The following STAG1 variants were observed in gnomAD, a reference collection of about 807,000 sequenced individuals.
The protein encoded by STAG1 is cohesin subunit SA-1.
A neutral mutation model predicts 170.9 loss-of-function variants in STAG1; 26 were observed. The ratio of observed to expected loss-of-function variants is 0.15; its 90% CI spans 0.11 to 0.21. STAG1 has a LOEUF of 0.21. Ranked by LOEUF, STAG1 falls within the 10% of genes least tolerant of loss-of-function variation. The probability of loss-of-function intolerance (pLI) is 1.00; values close to 1 mark genes in which losing one functional copy is unlikely to be tolerated. For missense variants in STAG1, 964 were observed against 1,509.5 expected, an observed-to-expected ratio of 0.64 and a Z score of 5.99; for synonymous variants, 514 against 497.7, an observed-to-expected ratio of 1.03 and a Z score of -0.44.
chr3:136,643,387 C>G (rs1283885086), intron 1 of STAG1, among the ~76,000 whole-genome samples: 4 of 152,078 alleles, frequency 2.6e-5, no homozygotes, highest in Non-Finnish European at 1.5e-5. Context: ...ATGAGAAGTT[C>G]TATGAGGTGA....
intron 6 of STAG1, among the ~76,000 whole-genome samples, chr3:136,523,221 T>A (rs1245126917): frequency 6.6e-6 from 1 of 152,068 alleles, no homozygotes; most frequent in Non-Finnish European, 1.5e-5. Context: ...CCCATCCTCT[T>A]CAGTACCTGT....
chr3:136,419,671 C>T (rs946707513), intron 20 of STAG1, among the ~76,000 whole-genome samples: 1 of 149,850 alleles, frequency 6.7e-6, no homozygotes, highest in East Asian at 2.0e-4. Flanking sequence ...CCATCTTGGC[C>T]AGGCTGGTCT....
chr3:136,632,441 T>G (rs1002027818), intron 1 of STAG1, among the ~76,000 whole-genome samples: 3 of 152,156 alleles, frequency 2.0e-5, no homozygotes, highest in African/African-American at 7.2e-5. Context: ...GATCAAACTC[T>G]TGGTGCAACT....
At chr3:136,425,594 G>GA (rs150289268) in intron 16 of STAG1, among the ~76,000 whole-genome samples, 1 of 151,464 alleles carries the variant, frequency 6.6e-6, no homozygotes, top group Non-Finnish European at 1.5e-5. Context: ...ATAAGTTTGG[G>GA]AAAAAAACTC....
chr3:136,507,052 A>G (rs914832628), intron 7 of STAG1, among the ~76,000 whole-genome samples: 4 of 152,206 alleles, frequency 2.6e-5, no homozygotes, highest in Non-Finnish European at 5.9e-5. Context: ...ACAACTCACA[A>G]ATCTACGAAG....
chr3:136,466,458 G>C (rs1403051716), intron 12 of STAG1, among the ~76,000 whole-genome samples: 1 of 152,134 alleles, frequency 6.6e-6, no homozygotes, highest in Non-Finnish European at 1.5e-5. Flanking sequence ...AGAGAAAAAA[G>C]AGTAAAAAGA....
At chr3:136,574,133 C>T (rs749351420) in intron 4 of STAG1, among the ~76,000 whole-genome samples, 1 of 151,856 alleles carries the variant, frequency 6.6e-6, no homozygotes, top group Non-Finnish European at 1.5e-5. Flanking sequence ...CCCAGCTACT[C>T]GGGAGGCTGA....
At chr3:136,562,223 T>G (rs868784586) in intron 5 of STAG1, among the ~76,000 whole-genome samples, 2 of 152,088 alleles carry the variant, frequency 1.3e-5, no homozygotes, top group African/African-American at 4.8e-5. Context: ...ACCTGTCACA[T>G]TTCTTCAGTC....
rs375146173 is a variant in STAG1, at chr3:136,630,387, G to C, written c.29+483C>G. On this transcript the variant is annotated intron_variant, in intron 2 of 33. Coordinates refer to ENST00000383202, the MANE Select transcript of STAG1 (RefSeq NM_005862.3). ...AAAGAGCTGGAAGTGAGCAGGGAGG[G>C]GGGGTAGAGAAGGGGTAGAGAAAGA... 1.6e-4 allele frequency among the ~76,000 whole-genome samples: 24 copies of C among 152,024 alleles called. No individual in the cohort carries two copies. In the East Asian group the frequency reaches 4.3e-3, roughly 27 times the overall value.
chr3:136,463,871 A>G (rs1034292204), intron 13 of STAG1, among the ~76,000 whole-genome samples: 1 of 144,820 alleles, frequency 6.9e-6, no homozygotes, highest in South Asian at 2.1e-4. Flanking sequence ...TTATATATAC[A>G]TACATACATA....
At chr3:136,526,539 C>G (rs1303788436) in intron 6 of STAG1, among the ~76,000 whole-genome samples, 1 of 152,164 alleles carries the variant, frequency 6.6e-6, no homozygotes, top group Middle Eastern at 3.2e-3. Flanking sequence ...TGGGTCTTGA[C>G]TCTTTATCCA....
At chr3:136,390,497 T>C (rs1048475224) in intron 22 of STAG1, among the ~76,000 whole-genome samples, 2 of 152,158 alleles carry the variant, frequency 1.3e-5, no homozygotes, top group Non-Finnish European at 2.9e-5. Context: ...GACATAATAT[T>C]AACAGGAACA....
intron 22 of STAG1, among the ~76,000 whole-genome samples, chr3:136,391,368 CT>C (rs5852844): frequency 0.36 from 45,242 of 124,220 alleles, 4,687 homozygotes; most frequent in East Asian, 0.63. Context: ...CTTTAGCCCT[CT>C]TTTTTTTTTT....
At chr3:136,430,967 G>C (rs575640344) in intron 16 of STAG1, among the ~76,000 whole-genome samples, 34 of 151,828 alleles carry the variant, frequency 2.2e-4, no homozygotes, top group African/African-American at 7.5e-4. Flanking sequence ...GCAGTGGGGT[G>C]ATCTCAGCTC....
chr3:136,585,248 C>T (rs753043711), intron 4 of STAG1, among the ~76,000 whole-genome samples: 5 of 152,126 alleles, frequency 3.3e-5, no homozygotes, highest in Non-Finnish European at 7.4e-5. Context: ...TTCAGACCAG[C>T]CTGGCCAACA....
intron 5 of STAG1, among the ~76,000 whole-genome samples, chr3:136,565,290 G>C (rs890931199): frequency 6.6e-6 from 1 of 152,078 alleles, no homozygotes; most frequent in Non-Finnish European, 1.5e-5. Flanking sequence ...TTAAATACTT[G>C]ATAAAGGTTT....
chr3:136,693,811 G>T (rs762891158), intron 1 of STAG1, among the ~76,000 whole-genome samples: 1 of 151,522 alleles, frequency 6.6e-6, no homozygotes, highest in Non-Finnish European at 1.5e-5. Context: ...TCAAGCCATT[G>T]ATCCTCCCAC....
chr3:136,487,775 C>A (rs1024334837), intron 9 of STAG1, among the ~76,000 whole-genome samples: 2 of 152,162 alleles, frequency 1.3e-5, no homozygotes, highest in Non-Finnish European at 2.9e-5. Flanking sequence ...TGTGGGTATA[C>A]TACGTAAAGT....
intron 16 of STAG1, among the ~76,000 whole-genome samples, chr3:136,431,770 G>A (rs1230776987): frequency 6.6e-6 from 1 of 152,116 alleles, no homozygotes; most frequent in Admixed American, 6.5e-5. Flanking sequence ...CACTATTTCT[G>A]ATAAGCTAAC....
Sources: allele counts gnomAD v4.1 joint callset (sites outside exome capture counted in the v4.1 genomes callset), GRCh38; gene constraint gnomAD v4.1.1; transcripts MANE v1.5; gene names NCBI Gene and HGNC (gene_info 2026-07-23, HGNC 2026-07-21).